The following TMEM45B variants were observed in gnomAD, a reference collection of about 807,000 sequenced individuals.
TMEM45B encodes the protein transmembrane protein 45B.
TMEM45B carries 29 observed loss-of-function variants against 27.3 expected under a neutral mutation model. That is an observed-to-expected ratio of 1.06 (90% CI 0.79 to 1.45). The LOEUF is 1.45. TMEM45B is among the 40% of genes most tolerant of loss of function. TMEM45B has a pLI of 0.00. For synonymous variants in TMEM45B, 143 were observed against 134.7 expected (o/e 1.06, Z -0.43); for missense variants, 348 against 343.9 (o/e 1.01, Z -0.09).
At position 129,837,585 on chromosome 11, in the gene TMEM45B, C is replaced by CTTTTTTTTTTTTTTTTTTTTTTTTTTT. The variant is rs200040338; in HGVS notation, c.-8-14875_-8-14874insTTTTTTTTTTTTTTTTTTTTTTTTTTT. On this transcript the variant is annotated intron_variant, in intron 1 of 5. Coordinates refer to ENST00000281441, the MANE Select transcript of TMEM45B (RefSeq NM_138788.5). Reference sequence around the variant, plus strand: ...TACAGGCATGAGCCACTGCACTGGGCTTTTTTTTTTTTTTTGAGACAGGGT... The same window carrying CTTTTTTTTTTTTTTTTTTTTTTTTTTT: ...TACAGGCATGAGCCACTGCACTGGGCTTTTTTTTTTTTTTTTTTTTTTTTTTTTTTTTTTTTTTTTTTGAGACAGGGT... Among the ~76,000 whole-genome samples, 119 of 80,256 alleles carry CTTTTTTTTTTTTTTTTTTTTTTTTTTT rather than the reference C, an allele frequency of 1.5e-3. 24 individuals are homozygous for CTTTTTTTTTTTTTTTTTTTTTTTTTTT. The highest frequency in any genetic ancestry group is 5.0e-3 in the East Asian group (11 of 2,186). The allele number at this position is 80,256 out of a possible 152,430, so 52.7% of individuals were successfully genotyped here.
At chr11:129,824,112 C>G (rs768410251) in intron 1 of TMEM45B, among the ~76,000 whole-genome samples, 4 of 152,234 alleles carry the variant, frequency 2.6e-5, no homozygotes, top group Non-Finnish European at 5.9e-5. Flanking sequence ...GAAAGTCCCT[C>G]TCTTCTGGCC....
chr11:129,854,580 T>C (rs1163760276), intron 2 of TMEM45B, 30 bp from the exon 3 acceptor site: 1 of 1,610,362 alleles, frequency 6.2e-7, no homozygotes. Context: ...TACTCTTCCC[T>C]CTAAAACATC....
intron 1 of TMEM45B, among the ~76,000 whole-genome samples, chr11:129,845,719 A>G (rs1233112206): frequency 6.6e-6 from 1 of 152,224 alleles, no homozygotes; most frequent in Non-Finnish European, 1.5e-5. Context: ...AACCGTCCCA[A>G]TAAAAAGGCA....
intron 1 of TMEM45B, among the ~76,000 whole-genome samples, chr11:129,818,723 C>T (rs1012919804): frequency 6.6e-6 from 1 of 152,186 alleles, no homozygotes; most frequent in Non-Finnish European, 1.5e-5. Context: ...TAGAAACTCT[C>T]TCGTTTGGTA....
intron 1 of TMEM45B, among the ~76,000 whole-genome samples, chr11:129,841,142 C>T (rs1947687049): frequency 6.6e-6 from 1 of 151,850 alleles, no homozygotes; most frequent in Admixed American, 6.6e-5. Flanking sequence ...TTGCCTGTGG[C>T]TGCTCCCATC....
In TMEM45B at chr11:129,854,062, G is replaced by A. The variant is rs200079871; in HGVS notation, c.179-548G>A. ...CACAGCTGGGAGGGGCGCAGGGCTT[G>A]CAGAGCTGGCTCTGTGCCCAGGAAG... On this transcript the variant is annotated intron_variant, in intron 2 of 5. Transcript: ENST00000281441. 5.9e-5 allele frequency among the ~76,000 whole-genome samples: 9 copies of A among 152,206 alleles called. No homozygotes were observed. The East Asian group carries it at 1.7e-3, about 29-fold the overall frequency.
chr11:129,824,223 T>C (rs779007653), intron 1 of TMEM45B, among the ~76,000 whole-genome samples: 3 of 152,170 alleles, frequency 2.0e-5, no homozygotes, highest in Non-Finnish European at 4.4e-5. Context: ...CAGTGATCTA[T>C]AGATTACTGT....
At chr11:129,837,585 C>CCT (rs1947636610) in intron 1 of TMEM45B, among the ~76,000 whole-genome samples, 2 of 80,294 alleles carry the variant, frequency 2.5e-5, no homozygotes, top group African/African-American at 8.6e-5. Context: ...CTGCACTGGG[C>CCT]TTTTTTTTTT....
intron 1 of TMEM45B, among the ~76,000 whole-genome samples, chr11:129,840,990 T>C (rs528375352): frequency 4.7e-5 from 2 of 42,998 alleles, no homozygotes; most frequent in Admixed American, 4.2e-4. Context: ...AACCAAAAAA[T>C]ATATAAAACT....
chr11:129,821,790 A>G (rs1169542076), intron 1 of TMEM45B, among the ~76,000 whole-genome samples: 1 of 149,692 alleles, frequency 6.7e-6, no homozygotes, highest in East Asian at 2.0e-4. Context: ...GGGCATTTGT[A>G]GGGTTTTCTT....
intron 2 of TMEM45B, 64 bp from the exon 3 acceptor site, chr11:129,854,546 C>A: frequency 6.5e-7 from 1 of 1,542,820 alleles, no homozygotes; most frequent in Non-Finnish European, 8.9e-7. Flanking sequence ...TTGGGTTATT[C>A]CTTGCTCCTA....
intron 3 of TMEM45B, among the ~76,000 whole-genome samples, chr11:129,855,469 G>A (rs915919724): frequency 2.3e-4 from 35 of 152,094 alleles, no homozygotes; most frequent in Admixed American, 1.5e-3. Flanking sequence ...TGCTTCAGCC[G>A]GCCCATCCTA....
chr11:129,847,259 T>C (rs564441227), intron 1 of TMEM45B, among the ~76,000 whole-genome samples: 10 of 152,230 alleles, frequency 6.6e-5, no homozygotes, highest in Admixed American at 1.3e-4. Context: ...TGGAGGTAAA[T>C]ACCGGAGGAA....
chr11:129,831,905 T>C (rs1947551425), intron 1 of TMEM45B, among the ~76,000 whole-genome samples: 1 of 151,208 alleles, frequency 6.6e-6, no homozygotes, highest in African/African-American at 2.4e-5. Context: ...ATCTCTATTA[T>C]AAATGTAAAA....
chr11:129,821,561 A>G (rs754330233), intron 1 of TMEM45B, among the ~76,000 whole-genome samples: 6 of 152,184 alleles, frequency 3.9e-5, no homozygotes, highest in Non-Finnish European at 7.3e-5. Flanking sequence ...TTCAGGCCCC[A>G]TAAGATGCGG....
intron 1 of TMEM45B, 111 bp downstream of exon 1, chr11:129,816,009 G>T: frequency 8.1e-7 from 1 of 1,231,148 alleles, no homozygotes; most frequent in Non-Finnish European, 1.0e-6. Context: ...ACTCGCAGGG[G>T]ACCTGCGGGG....
chr11:129,837,777 CTTTTTTTTTTT>C lies in TMEM45B; in HGVS notation c.-8-14686_-8-14676del, dbSNP rs1159669879. ...TTCACCATGTTACCCAGGCTAGTTT[CTTTTTTTTTTT>C]TTTTTTTTTTTGAGACTAAGTCTTG... On this transcript the variant is annotated intron_variant, in intron 1 of 5. Transcript: ENST00000281441. Among the ~76,000 whole-genome samples the C allele has an allele frequency of 1.9e-3, 128 of 69,046 alleles. 1 individual carries two copies. Among genetic ancestry groups the C allele is most frequent in the African/African-American group, 7.1e-3 (119 of 16,870 alleles). 45.3% of individuals were successfully genotyped at this position (69,046 alleles called of 152,430 possible). A position where few individuals can be genotyped will look rare whatever the true frequency, so the allele number is the denominator to read the frequency against.
At chr11:129,854,916 C>T in intron 3 of TMEM45B, 100 bp downstream of exon 3, 2 of 1,394,546 alleles carry the variant, frequency 1.4e-6, no homozygotes, top group South Asian at 1.3e-5. Context: ...ATATAATAAC[C>T]TCCCCCAGAA....
At position 129,837,007 on chromosome 11, in the gene TMEM45B, C is replaced by T. The variant is rs116577345; in HGVS notation, c.-8-15468C>T. On this transcript the variant is annotated intron_variant, in intron 1 of 5. Transcript: ENST00000281441. ...ACTGGTGGCTGCCTGCTGGACACCC[C>T]GCAATGTGCAGGACGGCCCCACAAC... Among the ~76,000 whole-genome samples the T allele has an allele frequency of 6.3e-3, 959 of 152,242 alleles. 16 individuals carry two copies. Among genetic ancestry groups the T allele is most frequent in the African/African-American group, 0.022 (921 of 41,544 alleles).
Sources: gnomAD v4.1 joint callset for allele counts (sites outside exome capture counted in the v4.1 genomes callset) on GRCh38, gnomAD v4.1.1 for gene constraint, MANE v1.5 for transcripts, NCBI Gene and HGNC (gene_info 2026-07-23, HGNC 2026-07-21) for gene names.